BCAS3: variants seen among roughly 807,000 people sequenced by gnomAD.
BCAS3 encodes the protein BCAS3 microtubule associated cell migration factor, also known as BCAS4/BCAS3 fusion.
BCAS3 carries 53 observed loss-of-function variants against 116.1 expected under a neutral mutation model. The ratio of observed to expected loss-of-function variants is 0.46; its 90% CI spans 0.37 to 0.57. The LOEUF (loss-of-function observed/expected upper bound fraction) is 0.57, where lower values mean the gene tolerates loss of function less well. Among genes scored for constraint, BCAS3 ranks in the 20% least tolerant of loss-of-function variants. The pLI, the probability that BCAS3 is intolerant of heterozygous loss-of-function variation, is 0.00. For missense variants in BCAS3, 917 were observed against 1,165.4 expected, an observed-to-expected ratio of 0.79 and a Z score of 3.10; for synonymous variants, 391 against 408.2, an observed-to-expected ratio of 0.96 and a Z score of 0.51.
intron 13 of BCAS3, among the ~76,000 whole-genome samples, chr17:60,942,463 T>C (rs762917181): frequency 6.6e-6 from 1 of 150,888 alleles, no homozygotes; most frequent in African/African-American, 2.4e-5. Context: ...CAAAACAAAT[T>C]TATTGTTTGA....
In BCAS3 at chr17:61,088,834, A is replaced by G. The variant is rs1355997552; in HGVS notation, c.2425+4270A>G. Among the ~76,000 whole-genome samples, 1 of 152,152 alleles carries G rather than the reference A, an allele frequency of 6.6e-6. No homozygotes were observed. Among genetic ancestry groups the G allele is most frequent in the Admixed American group, 6.5e-5 (1 of 15,278 alleles). ...ATATGCAGAGCAGACATCTTTATCA[A>G]ACTCTATTAAAGAAAACATTTTATA... is the stretch of plus-strand genomic sequence containing the variant. On this transcript the variant is annotated intron_variant, in intron 22 of 23. Coordinates refer to ENST00000407086, the MANE Select transcript of BCAS3 (RefSeq NM_017679.5). This position sits in a 1 kb window ranked among gnomAD's most constrained non-coding sequence, Gnocchi z 4.2.
chr17:60,779,655 C>T (rs530489746), intron 6 of BCAS3, among the ~76,000 whole-genome samples: 1 of 152,318 alleles, frequency 6.6e-6, no homozygotes, highest in East Asian at 1.9e-4. Flanking sequence ...AGGCGTGAGC[C>T]ATCGCGCCCG....
At chr17:60,852,865 C>G (rs575252154) in intron 7 of BCAS3, among the ~76,000 whole-genome samples, 1 of 152,316 alleles carries the variant, frequency 6.6e-6, no homozygotes, top group South Asian at 2.1e-4. Context: ...AATTGTACAG[C>G]TACTTTCAAA....
At chr17:60,730,252 G>A (rs537362317) in intron 5 of BCAS3, among the ~76,000 whole-genome samples, 2 of 152,284 alleles carry the variant, frequency 1.3e-5, no homozygotes, top group East Asian at 3.9e-4. Flanking sequence ...CAAAAATCTG[G>A]AAGTATGAAA....
intron 15 of BCAS3, among the ~76,000 whole-genome samples, chr17:60,996,737 T>C (rs1044657689): frequency 6.6e-6 from 1 of 151,950 alleles, no homozygotes; most frequent in Non-Finnish European, 1.5e-5. Flanking sequence ...TGTAGGTAAG[T>C]GAGTATAAAA....
At chr17:60,706,803 C>CTTT (rs546689684) in intron 4 of BCAS3, among the ~76,000 whole-genome samples, 1 of 122,236 alleles carries the variant, frequency 8.2e-6, no homozygotes, top group Non-Finnish European at 1.7e-5. Context: ...TTACACTATA[C>CTTT]TTTTTTTTTT....
rs938741942 is a variant in BCAS3, at chr17:61,381,288, G to A, written c.2594-10689G>A. 6.6e-6 allele frequency among the ~76,000 whole-genome samples: 1 copy of A among 152,226 alleles called. No individual in the cohort carries two copies. The highest frequency in any genetic ancestry group is 1.5e-5 in the Non-Finnish European group (1 of 68,044). Reference sequence around the variant, plus strand: ...CAAATGGAAAGGCTCGCCTGAGCCAGCTGAATTGAATAATGAATAGAGCCC... The same window carrying A: ...CAAATGGAAAGGCTCGCCTGAGCCAACTGAATTGAATAATGAATAGAGCCC... On this transcript the variant is annotated intron_variant, in intron 23 of 23. Transcript: ENST00000407086. This position sits in a 1 kb window ranked among gnomAD's most constrained non-coding sequence, Gnocchi z 6.0.
Position 61,300,231 on chromosome 17 carries a change from G to A in BCAS3, c.2426-68096G>A, listed in dbSNP as rs1374704014. On this transcript the variant is annotated intron_variant, in intron 22 of 23. Coordinates refer to ENST00000407086, the MANE Select transcript of BCAS3 (RefSeq NM_017679.5). The surrounding 1 kb of genome is among the most constrained non-coding windows in gnomAD (Gnocchi z 5.1). ...AGAAAGATGTCACTTGCCACATACAGTCCCAGTTGGTTTCACTGTCCCGAG... is the reference window on the plus strand; with the variant it reads ...AGAAAGATGTCACTTGCCACATACAATCCCAGTTGGTTTCACTGTCCCGAG... Among the ~76,000 whole-genome samples the A allele has an allele frequency of 6.6e-6, 1 of 152,186 alleles. No homozygotes were observed. Among genetic ancestry groups the A allele is most frequent in the African/African-American group, 2.4e-5 (1 of 41,444 alleles).
intron 7 of BCAS3, among the ~76,000 whole-genome samples, chr17:60,849,230 AT>A (rs944562675): frequency 6.6e-6 from 1 of 151,914 alleles, no homozygotes; most frequent in Non-Finnish European, 1.5e-5. Context: ...TTGAGACAGA[AT>A]TTTTTTGAAA....
At chr17:61,212,149 C>T (rs1177941778) in intron 22 of BCAS3, among the ~76,000 whole-genome samples, 1 of 152,184 alleles carries the variant, frequency 6.6e-6, no homozygotes, top group Non-Finnish European at 1.5e-5. Context: ...CTTGTTGCTC[C>T]TTAAGGATTA....
In BCAS3 at chr17:61,189,182, T is replaced by C. The variant is rs2079956638; in HGVS notation, c.2425+104618T>C. Among the ~76,000 whole-genome samples the C allele has an allele frequency of 6.6e-6, 1 of 152,170 alleles. No homozygotes were observed. On this transcript the variant is annotated intron_variant, in intron 22 of 23. Coordinates refer to ENST00000407086, the MANE Select transcript of BCAS3 (RefSeq NM_017679.5). This position sits in a 1 kb window ranked among gnomAD's most constrained non-coding sequence, Gnocchi z 4.5. ...GGTATGGTCTTTGTTGCTATGCTCC[T>C]TTATGTGCTTAGAGTTGAGGAAGGT...
rs142004145 is a variant in BCAS3 at position 60,799,353 on chromosome 17, C to T, written c.404-8651C>T. Among the ~76,000 whole-genome samples the T allele has an allele frequency of 8.2e-3, 1,242 of 152,138 alleles. 6 individuals carry two copies. The highest frequency in any genetic ancestry group is 0.014 in the Middle Eastern group (4 of 294). ...CCATGCCATTTTATCACATTCACCA[C>T]CAGCACAATCAAGATACAGCACTGT... On this transcript the variant is annotated intron_variant, in intron 6 of 23. Transcript: ENST00000407086.
chr17:61,229,184 C>T lies in BCAS3; in HGVS notation c.2426-139143C>T, dbSNP rs995939939. Among the ~76,000 whole-genome samples, 2 of 152,204 alleles carry T rather than the reference C, an allele frequency of 1.3e-5. No individual in the cohort carries two copies. Among genetic ancestry groups the T allele is most frequent in the African/African-American group, 4.8e-5 (2 of 41,452 alleles). On this transcript the variant is annotated intron_variant, in intron 22 of 23. Transcript: ENST00000407086. The surrounding 1 kb of genome is among the most constrained non-coding windows in gnomAD (Gnocchi z 4.4). ...GTGAGCCACCGCACCTGGCCACCAC[C>T]ACATTCCTTTAAGCCAAAGCCTAAT...
In BCAS3 at chr17:61,323,152, A is replaced by G. The variant is rs1457160175; in HGVS notation, c.2426-45175A>G. 3.3e-5 allele frequency among the ~76,000 whole-genome samples: 5 copies of G among 152,176 alleles called. No individual in the cohort carries two copies. Among genetic ancestry groups the G allele is most frequent in the Non-Finnish European group, 7.3e-5 (5 of 68,030 alleles). Reference sequence around the variant, plus strand: ...ACGGGGAATTCGCTGTAACCCAGCCATCTTTTAGGCAGCTGATGACCACGG... The same window carrying G: ...ACGGGGAATTCGCTGTAACCCAGCCGTCTTTTAGGCAGCTGATGACCACGG... On this transcript the variant is annotated intron_variant, in intron 22 of 23. Coordinates refer to ENST00000407086, the MANE Select transcript of BCAS3 (RefSeq NM_017679.5). The surrounding 1 kb of genome is among the most constrained non-coding windows in gnomAD (Gnocchi z 4.6).
chr17:60,894,427 A>G (rs185168865), intron 10 of BCAS3, among the ~76,000 whole-genome samples: 1 of 152,168 alleles, frequency 6.6e-6, no homozygotes, highest in African/African-American at 2.4e-5. Flanking sequence ...CTGCAACTTT[A>G]CTGAATCCGT....
intron 19 of BCAS3, among the ~76,000 whole-genome samples, chr17:61,045,769 C>G (rs1412619824): frequency 7.9e-6 from 1 of 127,092 alleles, no homozygotes; most frequent in African/African-American, 3.0e-5. Context: ...TGAGCTGAGA[C>G]TGCACTACTG....
At chr17:61,009,704 CTTTAATA>C (rs1356301855) in intron 15 of BCAS3, among the ~76,000 whole-genome samples, 7 of 152,014 alleles carry the variant, frequency 4.6e-5, no homozygotes, top group Admixed American at 2.6e-4. Flanking sequence ...CTGATAGTAA[CTTTAATA>C]TTTAACATAA....
intron 13 of BCAS3, among the ~76,000 whole-genome samples, chr17:60,942,959 G>A (rs1404978147): frequency 1.3e-5 from 2 of 151,702 alleles, no homozygotes; most frequent in East Asian, 3.9e-4. Context: ...ATAATCTCTG[G>A]AACAACCAGT....
rs185879822 is a variant in BCAS3 at position 60,717,938 on chromosome 17, T to A, written c.321+8613T>A. The stretch of plus-strand genomic sequence containing the variant: ...GCTTTCCCACAGCTAGATGGTCCCA[T>A]GTGTGGGTGATGGGAAACAGTGACA... On this transcript the variant is annotated intron_variant, in intron 5 of 23. Coordinates refer to ENST00000407086, the MANE Select transcript of BCAS3 (RefSeq NM_017679.5). 5.1e-4 allele frequency among the ~76,000 whole-genome samples: 78 copies of A among 152,284 alleles called. 1 individual carries two copies. The East Asian group carries it at 0.014, about 28-fold the overall frequency.
Sources: gnomAD v4.1 joint callset for allele counts (sites outside exome capture counted in the v4.1 genomes callset) on GRCh38, gnomAD v4.1.1 for gene constraint, Gnocchi (gnomAD v3.1) non-coding constraint, MANE v1.5 for transcripts, NCBI Gene and HGNC (gene_info 2026-07-23, HGNC 2026-07-21) for gene names.